Variants in DOK6 observed in about 807,000 individuals in gnomAD.
DOK6 encodes downstream of tyrosine kinase 6.
In DOK6, 22 loss-of-function variants were observed where a neutral mutation model predicts 44.0. The observed-to-expected ratio is 0.50, with a 90% CI of 0.36 to 0.71. The LOEUF is 0.71. DOK6 is among the 30% of genes least tolerant of loss of function. The probability of loss-of-function intolerance (pLI) is 0.00; values close to 1 mark genes in which losing one functional copy is unlikely to be tolerated. For synonymous variants in DOK6, 166 were observed against 145.5 expected (o/e 1.14, Z -1.01); for missense variants, 340 against 416.4 (o/e 0.82, Z 1.60).
chr18:69,412,931 C>T (rs1978312558), intron 1 of DOK6, among the ~76,000 whole-genome samples: 1 of 152,066 alleles, frequency 6.6e-6, no homozygotes, highest in Non-Finnish European at 1.5e-5. Flanking sequence ...GAGGAATCTT[C>T]ACAGGGGAGG....
intron 3 of DOK6, among the ~76,000 whole-genome samples, chr18:69,652,341 A>G (rs1475479828): frequency 6.6e-6 from 1 of 152,236 alleles, no homozygotes; most frequent in Non-Finnish European, 1.5e-5. Flanking sequence ...TGGTTTTAAA[A>G]GACGAATATT....
intron 1 of DOK6, among the ~76,000 whole-genome samples, chr18:69,447,254 A>G (rs146454897): frequency 0.089 from 13,564 of 152,002 alleles, 1,509 homozygotes; most frequent in East Asian, 0.31. Flanking sequence ...AAGGGATCCA[A>G]TTTCAGCTTT....
rs545190357 is a variant in DOK6, at chr18:69,590,265, G to A, written c.175-9119G>A. On this transcript the variant is annotated intron_variant, in intron 2 of 7. Transcript: ENST00000382713. ...CTGTGTCCTGCATAAGAACACAAAC[G>A]GATTTCATAATGAGCCAGAAGCATC... Among the ~76,000 whole-genome samples, 6 of 152,072 alleles carry A rather than the reference G, an allele frequency of 3.9e-5. No individual in the cohort carries two copies. The South Asian group carries it at 8.3e-4, about 21-fold the overall frequency.
intron 1 of DOK6, among the ~76,000 whole-genome samples, chr18:69,528,272 TTTCC>T (rs1221946303): frequency 6.6e-6 from 1 of 152,158 alleles, no homozygotes; most frequent in Non-Finnish European, 1.5e-5. Flanking sequence ...TCCTCCATTC[TTTCC>T]CATGTTCTAT....
At chr18:69,545,116 T>A (rs200780235) in intron 1 of DOK6, among the ~76,000 whole-genome samples, 2 of 145,074 alleles carry the variant, frequency 1.4e-5, no homozygotes, top group Non-Finnish European at 3.0e-5. Flanking sequence ...CGAGACACCA[T>A]AAAAAAAAAA....
intron 7 of DOK6, among the ~76,000 whole-genome samples, chr18:69,791,071 A>G (rs765084739): frequency 5.3e-5 from 8 of 152,072 alleles, no homozygotes; most frequent in Non-Finnish European, 8.8e-5. Flanking sequence ...TTAAATGATG[A>G]CCTCAAATTC....
chr18:69,787,752 C>A (rs920700240), intron 7 of DOK6, among the ~76,000 whole-genome samples: 1 of 152,050 alleles, frequency 6.6e-6, no homozygotes, highest in African/African-American at 2.4e-5. Flanking sequence ...AAGACAGATA[C>A]ATGAAGGGAA....
intron 1 of DOK6, among the ~76,000 whole-genome samples, chr18:69,405,600 A>C (rs1053348052): frequency 4.0e-5 from 6 of 148,732 alleles, no homozygotes. Flanking sequence ...ACTAAATAAA[A>C]TAAAATAAAA....
At chr18:69,534,016 A>G (rs1056508358) in intron 1 of DOK6, among the ~76,000 whole-genome samples, 1 of 152,136 alleles carries the variant, frequency 6.6e-6, no homozygotes, top group African/African-American at 2.4e-5. Context: ...ACCTTTTTGG[A>G]CTGCTAATTT....
At chr18:69,572,891 G>A (rs942673064) in intron 2 of DOK6, among the ~76,000 whole-genome samples, 6 of 151,880 alleles carry the variant, frequency 4.0e-5, no homozygotes, top group African/African-American at 1.2e-4. Flanking sequence ...TTACTTGAAG[G>A]AGCCTATAAG....
intron 4 of DOK6, among the ~76,000 whole-genome samples, chr18:69,678,092 T>A (rs1337222327): frequency 6.6e-6 from 1 of 151,932 alleles, no homozygotes. Flanking sequence ...CTACTAAAAA[T>A]ACAAAAATTA....
chr18:69,711,630 T>C (rs1320038816), intron 5 of DOK6, among the ~76,000 whole-genome samples: 1 of 152,210 alleles, frequency 6.6e-6, no homozygotes. Flanking sequence ...TCCTTTGACA[T>C]TTGTTTGTCC....
intron 5 of DOK6, among the ~76,000 whole-genome samples, chr18:69,719,483 G>T (rs369362916): frequency 6.6e-6 from 1 of 152,134 alleles, no homozygotes; most frequent in South Asian, 2.1e-4. Flanking sequence ...TGTGACCTTT[G>T]GCTACATGAC....
At chr18:69,729,277 C>G (rs769566455) in intron 5 of DOK6, among the ~76,000 whole-genome samples, 1 of 152,170 alleles carries the variant, frequency 6.6e-6, no homozygotes, top group African/African-American at 2.4e-5. Context: ...TGAGTTAAAC[C>G]TCGCTTTGTT....
At chr18:69,667,888 G>A (rs1025725056) in intron 3 of DOK6, among the ~76,000 whole-genome samples, 11 of 152,080 alleles carry the variant, frequency 7.2e-5, no homozygotes, top group Non-Finnish European at 1.3e-4. Flanking sequence ...TTATAAGTCC[G>A]ATCTGAATTT....
At chr18:69,407,813 A>G (rs1285549787) in intron 1 of DOK6, among the ~76,000 whole-genome samples, 2 of 152,198 alleles carry the variant, frequency 1.3e-5, no homozygotes, top group African/African-American at 4.8e-5. Flanking sequence ...TTCCTGAATT[A>G]TTTGCAATAA....
At chr18:69,472,202 C>T (rs1980132343) in intron 1 of DOK6, among the ~76,000 whole-genome samples, 1 of 152,170 alleles carries the variant, frequency 6.6e-6, no homozygotes, top group Non-Finnish European at 1.5e-5. Context: ...ACCTGTTTCA[C>T]TTGAAGTTAA....
At chr18:69,556,299 C>G (rs138083119) in intron 1 of DOK6, among the ~76,000 whole-genome samples, 1,717 of 152,146 alleles carry the variant, frequency 0.011, 29 homozygotes, top group African/African-American at 0.039. Context: ...GGGTATTTAC[C>G]TGTGCAATTC....
At chr18:69,497,315 G>A (rs191645980) in intron 1 of DOK6, among the ~76,000 whole-genome samples, 1 of 152,262 alleles carries the variant, frequency 6.6e-6, no homozygotes, top group East Asian at 1.9e-4. Flanking sequence ...AGAAGCTAAA[G>A]GGTCAGACTA....
Sources: gnomAD v4.1 joint callset for allele counts (sites outside exome capture counted in the v4.1 genomes callset) on GRCh38, gnomAD v4.1.1 for gene constraint, MANE v1.5 for transcripts, NCBI Gene and HGNC (gene_info 2026-07-23, HGNC 2026-07-21) for gene names.